The following ALPK2 variants were observed in gnomAD, a reference collection of about 807,000 sequenced individuals.
The protein encoded by ALPK2 is alpha-protein kinase 2.
A neutral mutation model predicts 163.1 loss-of-function variants in ALPK2; 127 were observed. The observed-to-expected ratio is 0.78, with a 90% CI of 0.67 to 0.90. The LOEUF is 0.90. ALPK2 is among the 40% of genes least tolerant of loss of function. The pLI is 0.00. For missense variants in ALPK2, 2,360 were observed against 2,589.6 expected (o/e 0.91, Z 1.92); for synonymous variants, 953 against 959.1 (o/e 0.99, Z 0.12).
At chr18:58,525,135 G>A (rs7232921) in intron 6 of ALPK2, among the ~76,000 whole-genome samples, 62,851 of 151,988 alleles carry the variant, frequency 0.41, 14,092 homozygotes, top group Non-Finnish European at 0.51. Flanking sequence ...GTTTGTCTCA[G>A]TTGCATGTTC....
intron 4 of ALPK2, among the ~76,000 whole-genome samples, chr18:58,560,710 T>G (rs753272367): frequency 2.6e-5 from 4 of 152,250 alleles, no homozygotes; most frequent in Non-Finnish European, 4.4e-5. Context: ...AGGGAATTAT[T>G]CTGCATACCA....
intron 12 of ALPK2, among the ~76,000 whole-genome samples, chr18:58,494,365 C>T (rs1353482385): frequency 6.6e-6 from 1 of 152,120 alleles, no homozygotes; most frequent in Non-Finnish European, 1.5e-5. Context: ...ATGACATACT[C>T]CTGTTAAAAG....
rs151129921 is a variant in ALPK2, at chr18:58,482,483, T to C, written c.6297-444A>G. Among the ~76,000 whole-genome samples the C allele has an allele frequency of 8.6e-5, 13 of 152,024 alleles. No homozygotes were observed. The East Asian group carries it at 2.5e-3, about 29-fold the overall frequency. ...AAATTATTTTGTTTAGACCCTTCAA[T>C]TTACAGTTGAAGAAATTCAGGTTAA... On this transcript the variant is annotated intron_variant, in intron 12 of 12. Coordinates refer to ENST00000361673, the MANE Select transcript of ALPK2 (RefSeq NM_052947.4).
chr18:58,521,241 A>G (rs2051549547), intron 8 of ALPK2, among the ~76,000 whole-genome samples: 1 of 152,208 alleles, frequency 6.6e-6, no homozygotes, highest in Admixed American at 6.5e-5. Context: ...AGTGGCCAGT[A>G]GCTTATCCCC....
chr18:58,620,160 G>A (rs4940414), intron 1 of ALPK2, among the ~76,000 whole-genome samples: 124,994 of 152,172 alleles, frequency 0.82, 51,504 homozygotes, highest in East Asian at 1. Context: ...GCATGGTGTC[G>A]GGTGCATGAA....
chr18:58,571,442 A>G (rs1045022696), intron 4 of ALPK2, among the ~76,000 whole-genome samples: 2 of 151,884 alleles, frequency 1.3e-5, no homozygotes, highest in African/African-American at 4.8e-5. Flanking sequence ...AAAAAAAAAA[A>G]AAGAACCTTA....
chr18:58,602,535 T>C (rs1404546095), intron 3 of ALPK2, among the ~76,000 whole-genome samples: 1 of 152,154 alleles, frequency 6.6e-6, no homozygotes, highest in Non-Finnish European at 1.5e-5. Flanking sequence ...ATCACCCCAA[T>C]CTCTGTCTCT....
Position 58,481,954 on chromosome 18 carries a change from G to T in ALPK2, c.6382C>A (p.Leu2128Met). Reference sequence around the variant, plus strand: ...TTGTTTTGAAGGGATTTCAGTCCCAGCATTTTGCAATACTTGTTACACTGG... The same window carrying T: ...TTGTTTTGAAGGGATTTCAGTCCCATCATTTTGCAATACTTGTTACACTGG... ...LHQCNKYCKMLGLKSLQNNNQ... is the reference protein window; with the variant it reads ...LHQCNKYCKMMGLKSLQNNNQ... Residue 2128 changes from leucine (L) to methionine (M), a missense_variant, in exon 13 of 13, where the codon CTG (leucine) becomes ATG (methionine). Coordinates refer to ENST00000361673, the MANE Select transcript of ALPK2 (RefSeq NM_052947.4). The T allele has an allele frequency of 6.2e-7, 1 of 1,614,182 alleles. No individual in the cohort carries two copies. The highest frequency in any genetic ancestry group is 8.5e-7 in the Non-Finnish European group (1 of 1,180,016).
rs757513940 is a variant in ALPK2 at position 58,579,295 on chromosome 18, GTC to G, written c.1479_1480del (p.Glu493AspfsTer9). 2 of 1,614,084 alleles carry G rather than the reference GTC, an allele frequency of 1.2e-6. No homozygotes were observed. Among genetic ancestry groups the G allele is most frequent in the Admixed American group, 3.3e-5 (2 of 60,022 alleles). ...CTCACCAGACAAGAGCTTCATCTCTGTCTCTCTTACTGATTCATCCATGTTGA... is the reference window on the plus strand; with the variant it reads ...CTCACCAGACAAGAGCTTCATCTCTGTCTCTTACTGATTCATCCATGTTGA... On this transcript the variant is annotated frameshift_variant, in exon 4 of 13. Transcript: ENST00000361673. LOFTEE classifies it high-confidence loss of function.
At chr18:58,573,948 T>C (rs2051905241) in intron 4 of ALPK2, among the ~76,000 whole-genome samples, 1 of 152,140 alleles carries the variant, frequency 6.6e-6, no homozygotes, top group South Asian at 2.1e-4. Context: ...ATCCACCACA[T>C]GTTTTCCAGG....
At chr18:58,541,980 T>G (rs1385640075) in intron 4 of ALPK2, among the ~76,000 whole-genome samples, 1 of 152,208 alleles carries the variant, frequency 6.6e-6, no homozygotes, top group Non-Finnish European at 1.5e-5. Flanking sequence ...AAATGATTCT[T>G]CTGCTGTGCA....
Position 58,525,885 on chromosome 18 carries a change from C to T in ALPK2, c.5502-1823G>A, listed in dbSNP as rs368924026. 3.3e-5 allele frequency among the ~76,000 whole-genome samples: 5 copies of T among 150,274 alleles called. No homozygotes were observed. In the East Asian group the frequency reaches 9.8e-4, roughly 30 times the overall value. ...TGCTTTCTCCATGATACAAAACTACCTCGGAAGTCCCAAAGAGTTCTATCC... is the reference window on the plus strand; with the variant it reads ...TGCTTTCTCCATGATACAAAACTACTTCGGAAGTCCCAAAGAGTTCTATCC... On this transcript the variant is annotated intron_variant, in intron 6 of 12. Transcript: ENST00000361673.
intron 4 of ALPK2, chr18:58,544,494 A>G (rs2051707406): frequency 6.6e-6 from 1 of 152,218 alleles, no homozygotes; most frequent in African/African-American, 2.4e-5. Flanking sequence ...CCTCTCCTCA[A>G]ATAGCTTATA....
intron 3 of ALPK2, among the ~76,000 whole-genome samples, chr18:58,592,018 T>G (rs1301314679): frequency 6.6e-6 from 1 of 152,136 alleles, no homozygotes; most frequent in Non-Finnish European, 1.5e-5. Flanking sequence ...AATAAAATAG[T>G]CATGTAGGAA....
intron 3 of ALPK2, among the ~76,000 whole-genome samples, chr18:58,598,827 TC>T (rs2052054421): frequency 6.6e-6 from 1 of 152,244 alleles, no homozygotes; most frequent in African/African-American, 2.4e-5. Context: ...TGTGTCTGCC[TC>T]TAATTCTGTG....
chr18:58,534,977 G>C lies in ALPK2; in HGVS notation c.5210C>G (p.Ala1737Gly), dbSNP rs2051635466. Reference protein sequence around the residue: ...VKKKILSRVAALRLKLEEKEN... With the variant: ...VKKKILSRVAGLRLKLEEKEN... ...CTTTTCTTCCAGTTTCAGCCTCAGT[G>C]CTGCCACCCTGGACAAAATTTTCTT... is the stretch of plus-strand genomic sequence containing the variant. The change falls in exon 5 of 13, where the codon GCA (alanine) becomes GGA (glycine). Residue 1737 changes from alanine to glycine, a missense_variant. Transcript: ENST00000361673. The C allele has an allele frequency of 6.2e-7, 1 of 1,614,134 alleles. No homozygotes were observed. The highest frequency in any genetic ancestry group is 2.2e-5 in the East Asian group (1 of 44,886).
rs1391493652 is a variant in ALPK2 at position 58,536,115 on chromosome 18, A to T, written c.4072T>A (p.Ser1358Thr). 3 of 1,614,124 alleles carry T rather than the reference A, an allele frequency of 1.9e-6. No individual in the cohort carries two copies. The highest frequency in any genetic ancestry group is 2.5e-6 in the Non-Finnish European group (3 of 1,180,030). ...TTCCCTCCAGTTTCAGAAGCCGCTGACAGTGAATCTGTGACAGATAACTCC... is the reference window on the plus strand; with the variant it reads ...TTCCCTCCAGTTTCAGAAGCCGCTGTCAGTGAATCTGTGACAGATAACTCC... ...EKELSVTDSLSAASETGGKEN... is the reference protein window; with the variant it reads ...EKELSVTDSLTAASETGGKEN... Residue 1358 changes from serine to threonine, a missense_variant, in exon 5 of 13, where the codon TCA becomes ACA. Transcript: ENST00000361673.
At chr18:58,492,617 A>G (rs1230945840) in intron 12 of ALPK2, among the ~76,000 whole-genome samples, 3 of 152,010 alleles carry the variant, frequency 2.0e-5, no homozygotes, top group African/African-American at 7.2e-5. Context: ...TCTCGAATCT[A>G]CCAGACTTCT....
intron 2 of ALPK2, among the ~76,000 whole-genome samples, chr18:58,610,851 T>C (rs921619881): frequency 2.7e-4 from 41 of 151,950 alleles, no homozygotes; most frequent in African/African-American, 9.4e-4. Context: ...TCCCAGCACT[T>C]TGGGAGGCCG....
Sources: allele counts gnomAD v4.1 joint callset (sites outside exome capture counted in the v4.1 genomes callset), GRCh38; gene constraint gnomAD v4.1.1; transcripts MANE v1.5; gene names NCBI Gene and HGNC (gene_info 2026-07-23, HGNC 2026-07-21).